The following GPAT4 variants were observed in gnomAD, a reference collection of about 807,000 sequenced individuals.
GPAT4 encodes the protein glycerol-3-phosphate acyltransferase 4.
In GPAT4, 17 loss-of-function variants were observed where a neutral mutation model predicts 58.0. The observed-to-expected ratio is 0.29, with a 90% confidence interval of 0.20 to 0.44. The LOEUF (loss-of-function observed/expected upper bound fraction) is 0.44. Ranked by LOEUF, GPAT4 falls within the 20% of genes least tolerant of loss-of-function variation. The probability of loss-of-function intolerance (pLI) is 1.00; values close to 1 mark genes in which losing one functional copy is unlikely to be tolerated. For synonymous variants in GPAT4, 204 were observed against 210.1 expected (o/e 0.97, Z 0.25); for missense variants, 377 against 574.5 (o/e 0.66, Z 3.51).
At chr8:41,581,625 C>CTTTTT (rs567790530) in intron 1 of GPAT4, among the ~76,000 whole-genome samples, 3 of 110,554 alleles carry the variant, frequency 2.7e-5, no homozygotes, top group African/African-American at 1.0e-4. Context: ...CCTTTGTTGA[C>CTTTTT]TTTTTTTTTT....
At position 41,609,820 on chromosome 8, in the gene GPAT4, G is replaced by C; in HGVS notation, c.401G>C (p.Arg134Thr). ...ATTATGGATGATGAGGTGACAAAGA[G>C]ATTCTCAGCAGAAGAACTGGAGTCC... ...ETIMDDEVTK[R>T]FSAEELESWN... is the part of the protein sequence containing the mutation. The change falls in exon 4 of 13, where the codon AGA (arginine) becomes ACA (threonine). Residue 134 changes from arginine (R) to threonine (T), a missense_variant. By Grantham distance (71) the Arg-to-Thr change is moderately conservative. Coordinates refer to ENST00000396987, the MANE Select transcript of GPAT4 (RefSeq NM_178819.4). 1 of 1,614,218 alleles carries C rather than the reference G, an allele frequency of 6.2e-7. No individual in the cohort carries two copies. The highest frequency in any genetic ancestry group is 8.5e-7 in the Non-Finnish European group (1 of 1,180,040).
At chr8:41,605,582 GTTTGTTTT>G (rs774673056) in intron 2 of GPAT4, among the ~76,000 whole-genome samples, 1 of 89,512 alleles carries the variant, frequency 1.1e-5, no homozygotes, top group East Asian at 3.2e-4. Flanking sequence ...TTGTTTGTTT[GTTTGTTTT>G]TTGAGACAGA....
At chr8:41,609,245 A>T (rs1367944686) in intron 2 of GPAT4, among the ~76,000 whole-genome samples, 171 bp from the exon 3 acceptor site, 1 of 152,186 alleles carries the variant, frequency 6.6e-6, no homozygotes, top group Non-Finnish European at 1.5e-5. Context: ...GTTGTCAAGG[A>T]AGGGGCTGCT....
intron 7 of GPAT4, among the ~76,000 whole-genome samples, chr8:41,612,613 AG>A (rs1304282193): frequency 6.6e-6 from 1 of 152,200 alleles, no homozygotes; most frequent in Non-Finnish European, 1.5e-5. Context: ...ATTTTGTCTT[AG>A]GGGTTTCAGT....
chr8:41,605,291 C>T (rs942054715), intron 2 of GPAT4, among the ~76,000 whole-genome samples: 1 of 152,096 alleles, frequency 6.6e-6, no homozygotes, highest in Admixed American at 6.5e-5. Context: ...AGTTGAAATA[C>T]CAGTTGAAAT....
intron 12 of GPAT4, among the ~76,000 whole-genome samples, 179 bp from the exon 13 acceptor site, chr8:41,620,714 G>A (rs1412197557): frequency 2.6e-5 from 4 of 152,150 alleles, no homozygotes; most frequent in East Asian, 1.9e-4. Context: ...GATAGAAAGG[G>A]TGGATATTGG....
chr8:41,582,474 C>CACAT, intron 1 of GPAT4, among the ~76,000 whole-genome samples: 1 of 116,016 alleles, frequency 8.6e-6, no homozygotes, highest in South Asian at 2.9e-4. Flanking sequence ...CACACACACA[C>CACAT]ACATCTTTCT....
chr8:41,592,424 A>G (rs990783067), intron 1 of GPAT4, among the ~76,000 whole-genome samples: 5 of 152,200 alleles, frequency 3.3e-5, no homozygotes, highest in Non-Finnish European at 7.4e-5. Context: ...TCTGTCCCAG[A>G]CAACTAAGTT....
chr8:41,592,786 A>G (rs1802829927), intron 1 of GPAT4, among the ~76,000 whole-genome samples: 1 of 152,104 alleles, frequency 6.6e-6, no homozygotes, highest in Non-Finnish European at 1.5e-5. Flanking sequence ...TTGAACTAAG[A>G]TATTTACTTG....
At chr8:41,616,565 G>T (rs1354719265) in intron 10 of GPAT4, among the ~76,000 whole-genome samples, 1 of 152,138 alleles carries the variant, frequency 6.6e-6, no homozygotes, top group Non-Finnish European at 1.5e-5. Flanking sequence ...AAAGTGCTGG[G>T]ATTATAGGCC....
In GPAT4 at chr8:41,622,096, T is replaced by G. The variant is rs1310298627; in HGVS notation, c.*1095T>G. ...AGCTCGTCTCAGATGCTTGCAGATC[T>G]TTGGTTAATTTAGAATTTCCAGCAC... On this transcript the variant is annotated 3_prime_UTR_variant, in exon 13 of 13. Transcript: ENST00000396987. 6.6e-6 allele frequency: 1 copy of G among 152,226 alleles called. No individual in the cohort carries two copies. The highest frequency in any genetic ancestry group is 2.4e-5 in the African/African-American group (1 of 41,426). The allele number at this position is 152,226 out of a possible 1,614,324, so 9.4% of individuals were successfully genotyped here. A position where few individuals can be genotyped will look rare whatever the true frequency, so the allele number is the denominator to read the frequency against.
chr8:41,609,537 C>T lies in GPAT4; in HGVS notation c.235+52C>T, dbSNP rs866651780. 5.6e-6 allele frequency: 9 copies of T among 1,606,140 alleles called. No homozygotes were observed. In the Middle Eastern group the frequency reaches 6.6e-4, roughly 118 times the overall value. On this transcript the variant is annotated intron_variant, in intron 3 of 12. Coordinates refer to ENST00000396987, the MANE Select transcript of GPAT4 (RefSeq NM_178819.4). Reference sequence around the variant, plus strand: ...TGAGAGGTCCATTTGAACAGTGTTCCCCAGTGCTTCTGGTGCCACACACGC... The same window carrying T: ...TGAGAGGTCCATTTGAACAGTGTTCTCCAGTGCTTCTGGTGCCACACACGC...
At chr8:41,611,229 A>G (rs970091646) in intron 5 of GPAT4, among the ~76,000 whole-genome samples, 3 of 152,218 alleles carry the variant, frequency 2.0e-5, no homozygotes, top group African/African-American at 7.2e-5. Flanking sequence ...CATCTCAAAT[A>G]ATAATAACAA....
chr8:41,607,294 T>C (rs1312186591), intron 2 of GPAT4, among the ~76,000 whole-genome samples: 1 of 152,184 alleles, frequency 6.6e-6, no homozygotes, highest in Non-Finnish European at 1.5e-5. Flanking sequence ...GTCATGTTCC[T>C]GAAATTAAAA....
intron 5 of GPAT4, among the ~76,000 whole-genome samples, chr8:41,611,118 T>C (rs551532328): frequency 6.6e-6 from 1 of 152,236 alleles, no homozygotes; most frequent in African/African-American, 2.4e-5. Context: ...CCCAGCTACT[T>C]GGGAAGCTGA....
At chr8:41,596,084 A>G (rs1019819117) in intron 1 of GPAT4, among the ~76,000 whole-genome samples, 7 of 152,298 alleles carry the variant, frequency 4.6e-5, no homozygotes, top group African/African-American at 1.4e-4. Context: ...AATGTTGGCC[A>G]GTCTATTTCT....
rs1242424296 is a variant in GPAT4, at chr8:41,622,536, C to CATG, written c.*1539_*1541dup. On this transcript the variant is annotated 3_prime_UTR_variant, in exon 13 of 13. Coordinates refer to ENST00000396987, the MANE Select transcript of GPAT4 (RefSeq NM_178819.4). ...GACCCATGCTCCCTCGTGGCACAGT[C>CATG]ATGATGCCTCTCAGGATTTTGTGCC... 1 of 152,408 alleles carries CATG rather than the reference C, an allele frequency of 6.6e-6. No individual in the cohort carries two copies. The highest frequency in any genetic ancestry group is 2.4e-5 in the African/African-American group (1 of 41,468). 9.4% of individuals were successfully genotyped at this position (152,408 alleles called of 1,614,324 possible). A position where few individuals can be genotyped will look rare whatever the true frequency, so the allele number is the denominator to read the frequency against.
At chr8:41,597,844 GGGCCATTGGTGAC>G (rs983164759) in intron 1 of GPAT4, among the ~76,000 whole-genome samples, 1 of 152,202 alleles carries the variant, frequency 6.6e-6, no homozygotes, top group Admixed American at 6.5e-5. Context: ...CCTGGCCTGG[GGGCCATTGGTGAC>G]GGAGAACCAT....
At chr8:41,599,387 A>G in intron 2 of GPAT4, 83 bp downstream of exon 2, 2 of 1,492,012 alleles carry the variant, frequency 1.3e-6, no homozygotes, top group South Asian at 1.2e-5. Context: ...CAGGCCTATT[A>G]TCTCTTTATT....
Sources: gnomAD v4.1 joint callset for allele counts (sites outside exome capture counted in the v4.1 genomes callset) on GRCh38, gnomAD v4.1.1 for gene constraint, MANE v1.5 for transcripts, NCBI Gene and HGNC (gene_info 2026-07-23, HGNC 2026-07-21) for gene names.